The following MEGF11 variants were observed in gnomAD, a reference collection of about 807,000 sequenced individuals.
MEGF11 encodes the protein multiple epidermal growth factor-like domains protein 11.
A neutral mutation model predicts 146.6 loss-of-function variants in MEGF11; 126 were observed. The observed-to-expected ratio is 0.86, with a 90% CI of 0.74 to 1.00. The LOEUF (loss-of-function observed/expected upper bound fraction) is 1.00. Ranked by LOEUF, MEGF11 falls within the 50% of genes least tolerant of loss-of-function variation. The pLI, the probability that MEGF11 is intolerant of heterozygous loss-of-function variation, is 0.00. For missense variants in MEGF11, 1,509 were observed against 1,521.2 expected, an observed-to-expected ratio of 0.99 and a Z score of 0.13; for synonymous variants, 532 against 583.4, an observed-to-expected ratio of 0.91 and a Z score of 1.27.
chr15:65,969,993 G>A (rs960772122), intron 8 of MEGF11, among the ~76,000 whole-genome samples: 1 of 151,844 alleles, frequency 6.6e-6, no homozygotes, highest in Non-Finnish European at 1.5e-5. Context: ...CCTTCTTCCC[G>A]CTGTGGCACA....
At chr15:66,064,678 G>A (rs1004251699) in intron 5 of MEGF11, among the ~76,000 whole-genome samples, 1 of 132,670 alleles carries the variant, frequency 7.5e-6, no homozygotes, top group South Asian at 3.1e-4. Context: ...CCACCATCCC[G>A]GCTAATTTTG....
intron 1 of MEGF11, among the ~76,000 whole-genome samples, chr15:66,196,225 A>C (rs1750005137): frequency 6.6e-6 from 1 of 152,202 alleles, no homozygotes; most frequent in Non-Finnish European, 1.5e-5. Flanking sequence ...TAATCCCAGC[A>C]CTTCAGGAGG....
intron 19 of MEGF11, 34 bp downstream of exon 19, chr15:65,915,436 C>T (rs774010390): frequency 3.7e-6 from 6 of 1,607,040 alleles, no homozygotes; most frequent in Non-Finnish European, 4.3e-6. Context: ...GGGCCCTTTC[C>T]ACAGACCCCG....
intron 8 of MEGF11, among the ~76,000 whole-genome samples, chr15:65,967,450 A>T (rs2081143939): frequency 6.6e-6 from 1 of 152,182 alleles, no homozygotes; most frequent in Non-Finnish European, 1.5e-5. Context: ...TTTAAAAAAA[A>T]ATACAGCTCT....
chr15:66,164,605 T>G (rs959669843), intron 1 of MEGF11, among the ~76,000 whole-genome samples: 2 of 152,064 alleles, frequency 1.3e-5, no homozygotes, highest in African/African-American at 4.8e-5. Flanking sequence ...GTGGGCCTCG[T>G]GGAGTTTTGG....
chr15:66,121,743 G>A (rs764786931), intron 3 of MEGF11, among the ~76,000 whole-genome samples: 3 of 152,184 alleles, frequency 2.0e-5, no homozygotes, highest in Non-Finnish European at 2.9e-5. Context: ...CTGCCCAAGC[G>A]TCTGGCCACT....
chr15:66,176,147 T>TA (rs1353168579), intron 1 of MEGF11, among the ~76,000 whole-genome samples: 2 of 152,202 alleles, frequency 1.3e-5, no homozygotes, highest in African/African-American at 2.4e-5. Context: ...ATGGTTATTA[T>TA]AAAAAAATAA....
chr15:66,088,809 C>T (rs1398192376), intron 5 of MEGF11, among the ~76,000 whole-genome samples: 1 of 151,976 alleles, frequency 6.6e-6, no homozygotes, highest in Non-Finnish European at 1.5e-5. Flanking sequence ...AGACAGAAAG[C>T]AGATTGTTGG....
At chr15:66,134,721 G>T (rs2088812617) in intron 1 of MEGF11, among the ~76,000 whole-genome samples, 1 of 152,246 alleles carries the variant, frequency 6.6e-6, no homozygotes, top group African/African-American at 2.4e-5. Flanking sequence ...GGGGAGAAGG[G>T]CGCTGAGGGA....
At chr15:66,198,709 C>T (rs941504796) in intron 1 of MEGF11, among the ~76,000 whole-genome samples, 1 of 152,166 alleles carries the variant, frequency 6.6e-6, no homozygotes, top group Non-Finnish European at 1.5e-5. Context: ...TGGTCTCAAA[C>T]TCCTGACCTC....
chr15:66,164,431 A>C (rs1035813385), intron 1 of MEGF11, among the ~76,000 whole-genome samples: 9 of 152,188 alleles, frequency 5.9e-5, no homozygotes, highest in Non-Finnish European at 1.0e-4. Flanking sequence ...AGAATATTAA[A>C]CCAAGAGTTA....
chr15:66,232,706 C>T (rs1360926404), intron 1 of MEGF11, among the ~76,000 whole-genome samples: 3 of 152,060 alleles, frequency 2.0e-5, no homozygotes, highest in East Asian at 1.9e-4. Context: ...TAGGGTCATG[C>T]GCCAAATGAA....
intron 5 of MEGF11, among the ~76,000 whole-genome samples, chr15:66,044,608 G>A (rs1385235006): frequency 6.6e-6 from 1 of 151,922 alleles, no homozygotes; most frequent in Non-Finnish European, 1.5e-5. Context: ...AGTATTTTGG[G>A]AGACTGAGAA....
intron 19 of MEGF11, among the ~76,000 whole-genome samples, chr15:65,914,686 CCAA>C (rs2078932511): frequency 2.6e-5 from 4 of 152,140 alleles, no homozygotes; most frequent in Admixed American, 2.0e-4. Flanking sequence ...ACTGAGCTGG[CCAA>C]CATCACTAGG....
intron 5 of MEGF11, among the ~76,000 whole-genome samples, chr15:66,083,205 G>A (rs1013351946): frequency 6.6e-6 from 1 of 152,192 alleles, no homozygotes; most frequent in Non-Finnish European, 1.5e-5. Context: ...GCCTCCCCAG[G>A]AGCACAATCA....
rs2081662390 is a variant in MEGF11 at position 65,982,147 on chromosome 15, C to T, written c.641+95G>A. 7.6e-7 allele frequency: 1 copy of T among 1,320,596 alleles called. No individual in the cohort carries two copies. Among genetic ancestry groups the T allele is most frequent in the African/African-American group, 1.5e-5 (1 of 65,996 alleles). The allele number at this position is 1,320,596 out of a possible 1,614,324, so 81.8% of individuals were successfully genotyped here. The stretch of plus-strand genomic sequence containing the variant: ...GAGGGCAGCCACTCCAGGCCCCGCC[C>T]CAGCCCCTCCACCTCCTCTACCCTC... On this transcript the variant is annotated intron_variant, in intron 6 of 25. Coordinates refer to ENST00000395614, the MANE Select transcript of MEGF11 (RefSeq NM_001385028.1). This position sits in a 1 kb window ranked among gnomAD's most constrained non-coding sequence, Gnocchi z 5.6.
chr15:66,000,965 C>T (rs2082348711), intron 5 of MEGF11, among the ~76,000 whole-genome samples: 1 of 152,062 alleles, frequency 6.6e-6, no homozygotes, highest in South Asian at 2.1e-4. Flanking sequence ...CTTGGGAGAA[C>T]AGCATGGGCA....
intron 1 of MEGF11, among the ~76,000 whole-genome samples, chr15:66,151,936 G>T (rs1478090769): frequency 6.6e-6 from 1 of 152,262 alleles, no homozygotes; most frequent in East Asian, 1.9e-4. Context: ...CATAGGCATT[G>T]AGTGGCACAA....
intron 1 of MEGF11, among the ~76,000 whole-genome samples, chr15:66,184,699 C>T (rs2090647534): frequency 1.3e-5 from 2 of 151,794 alleles, no homozygotes; most frequent in African/African-American, 4.8e-5. Flanking sequence ...TCTCCTCTCA[C>T]TCTCCACCCC....
Sources: allele counts gnomAD v4.1 joint callset (sites outside exome capture counted in the v4.1 genomes callset), GRCh38; gene constraint gnomAD v4.1.1; non-coding constraint Gnocchi (gnomAD v3.1); transcripts MANE v1.5; gene names NCBI Gene and HGNC (gene_info 2026-07-23, HGNC 2026-07-21).